The following CNTLN variants were observed in gnomAD, a reference collection of about 807,000 sequenced individuals.
CNTLN encodes the protein centlein, centrosomal protein.
A neutral mutation model predicts 180.0 loss-of-function variants in CNTLN; 212 were observed. The observed-to-expected ratio is 1.18, with a 90% CI of 1.05 to 1.32. The LOEUF (loss-of-function observed/expected upper bound fraction) is 1.32, where lower values mean the gene tolerates loss of function less well. CNTLN is among the 40% of genes most tolerant of loss of function. The probability of loss-of-function intolerance (pLI) is 0.00; values close to 1 mark genes in which losing one functional copy is unlikely to be tolerated. For missense variants in CNTLN, 2,095 were observed against 1,610.9 expected, an observed-to-expected ratio of 1.30 and a Z score of -5.14; for synonymous variants, 722 against 563.1, an observed-to-expected ratio of 1.28 and a Z score of -3.99.
At chr9:17,526,373 A>T in the CNTLN span, among the ~76,000 whole-genome samples, 28 of 152,338 alleles carry the variant, frequency 1.8e-4, no homozygotes, top group African/African-American at 6.7e-4. Context: ...ACTATAAGAG[A>T]CTTTGTCTAC....
chr9:17,157,480 T>C (rs1031615414), intron 2 of CNTLN, among the ~76,000 whole-genome samples: 12 of 152,270 alleles, frequency 7.9e-5, no homozygotes, highest in African/African-American at 2.6e-4. Context: ...ATTTCCTCAA[T>C]GTGAAAGTTA....
intron 1 of CNTLN, among the ~76,000 whole-genome samples, chr9:17,136,148 A>G (rs970897364): frequency 2.0e-5 from 3 of 152,116 alleles, no homozygotes; most frequent in Admixed American, 6.5e-5. Flanking sequence ...AAAGAGATTG[A>G]ATTTTCCTTT....
chr9:17,349,439 A>G (rs1822181865), intron 12 of CNTLN, among the ~76,000 whole-genome samples: 2 of 152,144 alleles, frequency 1.3e-5, no homozygotes, highest in Non-Finnish European at 2.9e-5. Flanking sequence ...TATTAATACT[A>G]CCTTTCAACT....
chr9:17,498,220 C>T (rs1438664982), intron 25 of CNTLN, among the ~76,000 whole-genome samples: 1 of 151,992 alleles, frequency 6.6e-6, no homozygotes, highest in Non-Finnish European at 1.5e-5. Context: ...AGTATATTCC[C>T]ATTAATGCTG....
At position 17,313,107 on chromosome 9, in the gene CNTLN, G is replaced by T. The variant is rs148107639; in HGVS notation, c.1341+3855G>T. ...CTATAATATTTTGTTGGCTTGAAAT[G>T]TACCTTTATGATGTCAGTATAGCCA... On this transcript the variant is annotated intron_variant, in intron 8 of 25. Coordinates refer to ENST00000380647, the MANE Select transcript of CNTLN (RefSeq NM_017738.4). 2.1e-3 allele frequency among the ~76,000 whole-genome samples: 321 copies of T among 152,174 alleles called. 13 individuals are homozygous for T. The East Asian group carries it at 0.05, about 24-fold the overall frequency.
chr9:17,523,753 T>C, the CNTLN span, among the ~76,000 whole-genome samples: 1 of 152,214 alleles, frequency 6.6e-6, no homozygotes, highest in Admixed American at 6.5e-5. Context: ...TTTACACTAA[T>C]ATCTCAGGAA....
chr9:17,404,413 C>G (rs1476796130), intron 15 of CNTLN, among the ~76,000 whole-genome samples: 2 of 151,582 alleles, frequency 1.3e-5, no homozygotes, highest in Non-Finnish European at 2.9e-5. Context: ...AGTCCTGATG[C>G]CGAAGGTAGG....
intron 7 of CNTLN, among the ~76,000 whole-genome samples, chr9:17,307,181 A>T (rs539098935): frequency 3.9e-5 from 6 of 152,264 alleles, no homozygotes; most frequent in Non-Finnish European, 8.8e-5. Context: ...TAAATCATAT[A>T]GGCAATACTT....
At chr9:17,418,522 G>C (rs1032544169) in intron 18 of CNTLN, among the ~76,000 whole-genome samples, 1 of 151,964 alleles carries the variant, frequency 6.6e-6, no homozygotes, top group African/African-American at 2.4e-5. Context: ...GAGGATTTGG[G>C]TAGTATCTGT....
intron 8 of CNTLN, among the ~76,000 whole-genome samples, chr9:17,326,227 AATT>A (rs1217304198): frequency 1.3e-5 from 2 of 152,094 alleles, no homozygotes; most frequent in Non-Finnish European, 2.9e-5. Flanking sequence ...TCTTCAGATT[AATT>A]ATAGTATAGC....
chr9:17,487,998 C>T (rs1832975904), intron 25 of CNTLN, among the ~76,000 whole-genome samples: 1 of 152,070 alleles, frequency 6.6e-6, no homozygotes, highest in Non-Finnish European at 1.5e-5. Context: ...AAAGCCAAAA[C>T]ATATTTGTCA....
chr9:17,523,644 ATTTGC>A, the CNTLN span, among the ~76,000 whole-genome samples: 1 of 152,154 alleles, frequency 6.6e-6, no homozygotes, highest in Admixed American at 6.5e-5. Flanking sequence ...CTTATGGATT[ATTTGC>A]TTTGTTTTTA....
intron 5 of CNTLN, among the ~76,000 whole-genome samples, chr9:17,272,007 A>G (rs988793307): frequency 6.6e-6 from 1 of 151,590 alleles, no homozygotes; most frequent in Non-Finnish European, 1.5e-5. Context: ...TTGCTAGGAT[A>G]GTGTCCCCTC....
At chr9:17,519,542 AAGTAT>A in the CNTLN span, among the ~76,000 whole-genome samples, 194 of 152,334 alleles carry the variant, frequency 1.3e-3, no homozygotes, top group Non-Finnish European at 1.7e-3. Context: ...ACTTCAATTC[AAGTAT>A]AGATTGAACT....
downstream of CNTLN, among the ~76,000 whole-genome samples, chr9:17,507,367 C>A (rs1294132015): frequency 6.6e-6 from 1 of 152,220 alleles, no homozygotes; most frequent in East Asian, 1.9e-4. Context: ...TATATATCTT[C>A]CACATTTTCT....
chr9:17,219,066 T>C lies in CNTLN; in HGVS notation c.450-7137T>C, dbSNP rs1823954271. ...TGGGAAGTACTCTTGGGAAAAATGATTGGTGCTTAAAAGTTGTACAGATTT... is the reference window on the plus strand; with the variant it reads ...TGGGAAGTACTCTTGGGAAAAATGACTGGTGCTTAAAAGTTGTACAGATTT... On this transcript the variant is annotated intron_variant, in intron 2 of 25. Transcript: ENST00000380647. 1.3e-5 allele frequency among the ~76,000 whole-genome samples: 2 copies of C among 152,170 alleles called. 1 individual carries two copies. The highest frequency in any genetic ancestry group is 4.1e-4 in the South Asian group (2 of 4,824).
chr9:17,347,907 C>A (rs1276122378), intron 12 of CNTLN, among the ~76,000 whole-genome samples: 1 of 152,072 alleles, frequency 6.6e-6, no homozygotes, highest in Non-Finnish European at 1.5e-5. Context: ...TCTTGGCTCA[C>A]TGCAACCCCT....
At position 17,484,399 on chromosome 9, in the gene CNTLN, T is replaced by G; in HGVS notation, c.3960T>G (p.His1320Gln). The G allele has an allele frequency of 6.2e-7, 1 of 1,612,762 alleles. No homozygotes were observed. Among genetic ancestry groups the G allele is most frequent in the East Asian group, 2.2e-5 (1 of 44,854 alleles). The change falls in exon 24 of 26, where the codon CAT (histidine) becomes CAG (glutamine). Residue 1320 changes from histidine (H) to glutamine (Q), a missense_variant. Transcript: ENST00000380647. ...KNRDACKTST[H>Q]KAQTLAASIL... ...GGGACGCCTGTAAAACCTCAACCCA[T>G]AAAGCCCAGACCTTGGCAGCTTCTA...
At chr9:17,300,809 C>G (rs1818291781) in intron 7 of CNTLN, 1 of 202,610 alleles carries the variant, frequency 4.9e-6, no homozygotes, top group Non-Finnish European at 8.7e-6. Context: ...TTCACTCCAG[C>G]AACACAAACC....
Sources: allele counts gnomAD v4.1 joint callset (sites outside exome capture counted in the v4.1 genomes callset), GRCh38; gene constraint gnomAD v4.1.1; transcripts MANE v1.5; gene names NCBI Gene and HGNC (gene_info 2026-07-23, HGNC 2026-07-21).